The following TBL1X variants were observed in gnomAD, a reference collection of about 807,000 sequenced individuals.
TBL1X encodes the protein transducin beta like 1 X-linked.
Under a neutral mutation model 50.7 loss-of-function variants are expected in TBL1X, and 10 were observed. That is an observed-to-expected ratio of 0.20 (90% CI 0.12 to 0.33). TBL1X has a LOEUF of 0.33. Among genes scored for constraint, TBL1X ranks in the 10% least tolerant of loss-of-function variants. The pLI is 1.00. For synonymous variants in TBL1X, 190 were observed against 214.7 expected (o/e 0.88, Z 1.01); for missense variants, 340 against 504.4 (o/e 0.67, Z 3.12).
At chrX:9,710,823 C>T (rs1162141809) in intron 15 of TBL1X, among the ~76,000 whole-genome samples, 1 of 112,090 alleles carries the variant, frequency 8.9e-6, no homozygotes, top group African/African-American at 3.2e-5. Flanking sequence ...TCAAGTGATC[C>T]TCCCACCTTG....
intron 2 of TBL1X, among the ~76,000 whole-genome samples, chrX:9,630,346 A>G (rs887555904): frequency 3.5e-4 from 39 of 111,786 alleles, no homozygotes; most frequent in African/African-American, 1.2e-3. Flanking sequence ...AAGGAGGAGA[A>G]CTGTAAGCTG....
intron 5 of TBL1X, among the ~76,000 whole-genome samples, chrX:9,680,797 T>G (rs1381186425): frequency 1.2e-4 from 13 of 111,762 alleles, no homozygotes; most frequent in Non-Finnish European, 7.5e-5. Flanking sequence ...AGTCATGACC[T>G]ACCCTCTCCA....
intron 16 of TBL1X, among the ~76,000 whole-genome samples, chrX:9,712,875 G>C (rs965192243): frequency 9.0e-6 from 1 of 111,308 alleles, no homozygotes; most frequent in East Asian, 2.8e-4. Context: ...CTAGTCTAAG[G>C]GAAGAGAGAG....
intron 1 of TBL1X, among the ~76,000 whole-genome samples, chrX:9,498,663 C>T (rs1226235447): frequency 8.9e-6 from 1 of 112,405 alleles, no homozygotes; most frequent in Non-Finnish European, 1.9e-5. Flanking sequence ...CTGCAGAGAC[C>T]GCAGGAGCCT....
intron 6 of TBL1X, among the ~76,000 whole-genome samples, chrX:9,685,956 G>C (rs989696836): frequency 9.1e-6 from 1 of 110,395 alleles, no homozygotes; most frequent in Non-Finnish European, 1.9e-5. Context: ...CGATCCTCCC[G>C]CGATCCTCCC....
chrX:9,504,161 G>A (rs771925227), intron 2 of TBL1X, among the ~76,000 whole-genome samples: 2 of 111,488 alleles, frequency 1.8e-5, no homozygotes, highest in South Asian at 7.5e-4. Context: ...AATAAGGCCT[G>A]AAGGTGAACC....
chrX:9,470,457 T>C (rs1462623544), intron 1 of TBL1X, among the ~76,000 whole-genome samples: 1 of 112,069 alleles, frequency 8.9e-6, no homozygotes, highest in African/African-American at 3.2e-5. Context: ...GGTTTCACCA[T>C]GTTGGTCAAG....
At chrX:9,639,814 A>T (rs1235612107) in intron 2 of TBL1X, 1 of 111,932 alleles carries the variant, frequency 8.9e-6, no homozygotes, top group Admixed American at 9.5e-5. Context: ...GCGATGGGGA[A>T]TGTTTAGCTA....
At chrX:9,472,365 T>G (rs1479277769) in intron 1 of TBL1X, among the ~76,000 whole-genome samples, 2 of 110,477 alleles carry the variant, frequency 1.8e-5, no homozygotes, top group Admixed American at 9.7e-5. Flanking sequence ...GCTCAAGTGA[T>G]CCTTCTGCCT....
intron 2 of TBL1X, among the ~76,000 whole-genome samples, chrX:9,529,083 A>G (rs778749931): frequency 5.5e-4 from 62 of 112,320 alleles, no homozygotes; most frequent in African/African-American, 1.9e-3. Flanking sequence ...CAAAATTAGC[A>G]TATGGCTTGT....
At chrX:9,704,403 C>T (rs1166136258) in intron 12 of TBL1X, among the ~76,000 whole-genome samples, 2 of 112,052 alleles carry the variant, frequency 1.8e-5, no homozygotes, top group Non-Finnish European at 3.8e-5. Flanking sequence ...GGCAGGGCGG[C>T]CCTCTCACCT....
Position 9,688,129 on chromosome X carries a change from A to C in TBL1X, c.470A>C (p.Gln157Pro). The change falls in exon 7 of 18, where the codon CAG becomes CCG. Residue 157 changes from glutamine to proline, a missense_variant. Transcript: ENST00000645353. ...GCATTCCGAGAGAAGCTCGCTCAGC[A>C]GCAAGCCAGTGCGGCGGCGGCGGCG... is the stretch of plus-strand genomic sequence containing the variant. ...QQAFREKLAQ[Q>P]QASAAAAAAA... is the part of the protein sequence containing the mutation. 1 of 1,208,498 alleles carries C rather than the reference A, an allele frequency of 8.3e-7. No individual in the cohort carries two copies. Among genetic ancestry groups the C allele is most frequent in the Non-Finnish European group, 1.1e-6 (1 of 893,926 alleles).
chrX:9,648,303 A>G (rs1423320077), intron 3 of TBL1X, among the ~76,000 whole-genome samples: 1 of 112,369 alleles, frequency 8.9e-6, no homozygotes, highest in African/African-American at 3.2e-5. Context: ...GTAATAAAGC[A>G]TGAACATTCC....
intron 2 of TBL1X, among the ~76,000 whole-genome samples, chrX:9,510,839 G>A (rs968855900): frequency 2.7e-5 from 3 of 111,790 alleles, no homozygotes; most frequent in Admixed American, 9.5e-5. Context: ...TGACATCTGC[G>A]CTTTCCTGGG....
rs981080661 is a variant in TBL1X at position 9,494,031 on chromosome X, C to G, written c.-200-7749C>G. 5.4e-5 allele frequency among the ~76,000 whole-genome samples: 6 copies of G among 111,460 alleles called. 1 individual carries two copies. Among genetic ancestry groups the G allele is most frequent in the Admixed American group, 4.8e-4 (5 of 10,452 alleles). ...TTAGCACCACACTGTGATTCATCTT[C>G]GAGACTGTTCACAGCCCTTGATCTG... On this transcript the variant is annotated intron_variant, in intron 1 of 17. Transcript: ENST00000645353.
intron 1 of TBL1X, among the ~76,000 whole-genome samples, chrX:9,499,527 T>TA (rs1349857849): frequency 1.8e-5 from 2 of 112,379 alleles, no homozygotes; most frequent in African/African-American, 6.5e-5. Context: ...ACAGAACTAT[T>TA]ACTGCTGGTC....
chrX:9,537,063 CAT>C (rs936546412), intron 2 of TBL1X, among the ~76,000 whole-genome samples: 3 of 111,912 alleles, frequency 2.7e-5, no homozygotes, highest in African/African-American at 9.7e-5. Context: ...AAAGACCTCT[CAT>C]GTAATCATTT....
chrX:9,581,861 C>T (rs1440159716), intron 2 of TBL1X, among the ~76,000 whole-genome samples: 2 of 111,891 alleles, frequency 1.8e-5, no homozygotes, highest in Non-Finnish European at 3.8e-5. Flanking sequence ...AGGCCTGCTG[C>T]CCAGCCCAGC....
At chrX:9,634,445 ATTAT>A (rs1035267073) in intron 2 of TBL1X, among the ~76,000 whole-genome samples, 14 of 111,792 alleles carry the variant, frequency 1.3e-4, no homozygotes, top group Admixed American at 1.2e-3. Flanking sequence ...TATTAATTAG[ATTAT>A]TTAATCCAAG....
Sources: gnomAD v4.1 joint callset for allele counts (sites outside exome capture counted in the v4.1 genomes callset) on GRCh38, gnomAD v4.1.1 for gene constraint, MANE v1.5 for transcripts, NCBI Gene and HGNC (gene_info 2026-07-23, HGNC 2026-07-21) for gene names.